PXK: variants seen among roughly 807,000 people sequenced by gnomAD.
PXK encodes PX domain containing serine/threonine kinase like, also known as PX domain-containing protein kinase-like protein.
A neutral mutation model predicts 84.7 loss-of-function variants in PXK; 35 were observed. The observed-to-expected ratio is 0.41, with a 90% CI of 0.32 to 0.55. The LOEUF is 0.55. PXK is among the 20% of genes least tolerant of loss of function. The pLI, the probability that PXK is intolerant of heterozygous loss-of-function variation, is 0.21. For missense variants in PXK, 634 were observed against 699.7 expected (o/e 0.91, Z 1.06); for synonymous variants, 253 against 260.8 (o/e 0.97, Z 0.29).
intron 1 of PXK, among the ~76,000 whole-genome samples, chr3:58,335,018 GGTGTGTGT>G (rs375780661): frequency 4.4e-4 from 47 of 106,552 alleles, no homozygotes; most frequent in African/African-American, 8.0e-4. Context: ...TGTCCAGGCT[GGTGTGTGT>G]GTGTGTGTGT....
intron 1 of PXK, among the ~76,000 whole-genome samples, chr3:58,337,866 C>G (rs1046031236): frequency 3.9e-5 from 6 of 152,124 alleles, no homozygotes; most frequent in African/African-American, 1.2e-4. Flanking sequence ...TTTTTATAGA[C>G]TTTTAAACTT....
intron 1 of PXK, among the ~76,000 whole-genome samples, chr3:58,352,538 A>G (rs925049636): frequency 6.6e-6 from 1 of 152,158 alleles, no homozygotes; most frequent in Non-Finnish European, 1.5e-5. Flanking sequence ...TTCGTTTTTA[A>G]TTACTATTTA....
intron 6 of PXK, 93 bp downstream of exon 6, chr3:58,391,313 T>C: frequency 4.6e-6 from 5 of 1,089,656 alleles, no homozygotes; most frequent in East Asian, 2.4e-5. Flanking sequence ...TGTACTGTGC[T>C]CTTAAGTGAT....
chr3:58,365,933 C>CTTTTT lies in PXK; in HGVS notation c.153+20_153+24dup. ...TGGAAAACAGCTGGCAGGTAAGCAT[C>CTTTTT]TTTTTTTTTTTTTTTGTCAATTAGA... is the stretch of plus-strand genomic sequence containing the variant. On this transcript the variant is annotated intron_variant, in intron 2 of 17. Transcript: ENST00000356151. The CTTTTT allele has an allele frequency of 5.0e-5, 70 of 1,393,864 alleles. No homozygotes were observed. The highest frequency in any genetic ancestry group is 1.9e-4 in the South Asian group (13 of 69,824). The allele number at this position is 1,393,864 out of a possible 1,614,324, so 86.3% of individuals were successfully genotyped here.
intron 3 of PXK, among the ~76,000 whole-genome samples, chr3:58,378,508 TTTTTTGTGTGTGTGTGTGTGTGTG>T (rs1258728305): frequency 1.6e-3 from 46 of 28,536 alleles, no homozygotes; most frequent in South Asian, 4.2e-3. Context: ...TTTTTTTTTT[TTTTTTGTGTGTGTGTGTGTGTGTG>T]TGTGTGTGTG....
chr3:58,425,119 A>C lies in PXK; in HGVS notation c.*159A>C. 8.9e-7 allele frequency: 1 copy of C among 1,129,206 alleles called. No homozygotes were observed. The highest frequency in any genetic ancestry group is 1.2e-6 in the Non-Finnish European group (1 of 808,614). The allele number at this position is 1,129,206 out of a possible 1,614,324, so 69.9% of individuals were successfully genotyped here. On this transcript the variant is annotated 3_prime_UTR_variant, in exon 18 of 18. Coordinates refer to ENST00000356151, the MANE Select transcript of PXK (RefSeq NM_017771.5). The stretch of plus-strand genomic sequence containing the variant: ...ATGTAAGCAGCTTTTCGAGAGAAAT[A>C]ATTCTTTAAGCAGAATAAAGTTAGG...
chr3:58,360,661 G>A (rs1011206190), intron 1 of PXK, among the ~76,000 whole-genome samples: 4 of 151,958 alleles, frequency 2.6e-5, no homozygotes, highest in Middle Eastern at 3.4e-3. Context: ...GTGAAACACC[G>A]TCTCTACAAA....
Position 58,333,170 on chromosome 3 carries a change from G to A in PXK, c.102+80G>A, listed in dbSNP as rs938046527. On this transcript the variant is annotated intron_variant, in intron 1 of 17. Coordinates refer to ENST00000356151, the MANE Select transcript of PXK (RefSeq NM_017771.5). This position sits in a 1 kb window ranked among gnomAD's most constrained non-coding sequence, Gnocchi z 5.4. ...GGCTGCGGGCTGCCTGGCGCGGGCC[G>A]GGCAGGGTCGTCGGACGGAGACCGG... The A allele has an allele frequency of 5.6e-5, 47 of 843,348 alleles. No individual in the cohort carries two copies. Among genetic ancestry groups the A allele is most frequent in the Non-Finnish European group, 6.5e-5 (45 of 694,182 alleles). The allele number at this position is 843,348 out of a possible 1,614,324, so 52.2% of individuals were successfully genotyped here.
chr3:58,425,176 T>TA lies in PXK; in HGVS notation c.*217dup, dbSNP rs2062662724. 1 of 661,444 alleles carries TA rather than the reference T, an allele frequency of 1.5e-6. No homozygotes were observed. The highest frequency in any genetic ancestry group is 2.5e-6 in the Non-Finnish European group (1 of 407,426). The allele number at this position is 661,444 out of a possible 1,614,324, so 41.0% of individuals were successfully genotyped here. On this transcript the variant is annotated 3_prime_UTR_variant, in exon 18 of 18. Transcript: ENST00000356151. ...TTGCTCCCTTAAGATCTTGCTCCTTTATTAACCCTGTAAAGGAGTCTTGTT... is the reference window on the plus strand; with the variant it reads ...TTGCTCCCTTAAGATCTTGCTCCTTTAATTAACCCTGTAAAGGAGTCTTGTT...
intron 17 of PXK, among the ~76,000 whole-genome samples, chr3:58,424,475 G>A (rs1378306712): frequency 6.6e-6 from 1 of 152,226 alleles, no homozygotes; most frequent in Non-Finnish European, 1.5e-5. Context: ...CATCTATGCA[G>A]AGAATGTCAC....
At chr3:58,334,959 C>CTGTG (rs1160895291) in intron 1 of PXK, among the ~76,000 whole-genome samples, 2,154 of 125,526 alleles carry the variant, frequency 0.017, 28 homozygotes, top group East Asian at 0.06. Context: ...GTGTGTGTGT[C>CTGTG]TGTGTGTGTG....
rs532121931 is a variant in PXK, at chr3:58,379,722, A to G, written c.202-2792A>G. ...AAAAGAATAGAAAAGAGTACTTACAAATAAAAAGTAACAGTAGACAACTAT... is the reference window on the plus strand; with the variant it reads ...AAAAGAATAGAAAAGAGTACTTACAGATAAAAAGTAACAGTAGACAACTAT... On this transcript the variant is annotated intron_variant, in intron 3 of 17. Coordinates refer to ENST00000356151, the MANE Select transcript of PXK (RefSeq NM_017771.5). This position sits in a 1 kb window ranked among gnomAD's most constrained non-coding sequence, Gnocchi z 5.1. Among the ~76,000 whole-genome samples the G allele has an allele frequency of 2.0e-5, 3 of 152,330 alleles. No homozygotes were observed. The highest frequency in any genetic ancestry group is 2.0e-4 in the Admixed American group (3 of 15,302).
rs1207707903 is a variant in PXK, at chr3:58,399,939, G to T, written c.1181+562G>T. 6.6e-6 allele frequency among the ~76,000 whole-genome samples: 1 copy of T among 152,042 alleles called. No homozygotes were observed. Among genetic ancestry groups the T allele is most frequent in the Non-Finnish European group, 1.5e-5 (1 of 68,006 alleles). On this transcript the variant is annotated intron_variant, in intron 12 of 17. Transcript: ENST00000356151. The surrounding 1 kb of genome is among the most constrained non-coding windows in gnomAD (Gnocchi z 4.3). Reference sequence around the variant, plus strand: ...TCAGAAGACATTTTCTCTGAAACTGGATTATGAGTAGATAACCAGGGCAGC... The same window carrying T: ...TCAGAAGACATTTTCTCTGAAACTGTATTATGAGTAGATAACCAGGGCAGC...
intron 6 of PXK, 79 bp from the exon 7 acceptor site, chr3:58,391,694 A>G: frequency 7.6e-7 from 1 of 1,307,208 alleles, no homozygotes; most frequent in Non-Finnish European, 1.1e-6. Flanking sequence ...ATTTTGGATA[A>G]TAAAATTAAA....
chr3:58,360,888 T>C (rs1183452838), intron 1 of PXK, among the ~76,000 whole-genome samples: 3 of 152,062 alleles, frequency 2.0e-5, no homozygotes, highest in African/African-American at 7.3e-5. Flanking sequence ...ACAATAACAT[T>C]CTTTATGATT....
At chr3:58,408,669 C>G (rs935307428) in intron 13 of PXK, among the ~76,000 whole-genome samples, 3 of 151,986 alleles carry the variant, frequency 2.0e-5, no homozygotes, top group African/African-American at 7.3e-5. Flanking sequence ...ACTACAGGCG[C>G]CCACCACCAC....
chr3:58,369,345 T>C lies in PXK; in HGVS notation c.154-86T>C. ...AAGTGCCTGAGCTCTAGAGTGCCAA[T>C]ATTACTAATTCTAATACATATTAAA... On this transcript the variant is annotated intron_variant, in intron 2 of 17. Transcript: ENST00000356151. 4.7e-6 allele frequency: 5 copies of C among 1,058,674 alleles called. No homozygotes were observed. The East Asian group carries it at 1.0e-4, about 22-fold the overall frequency. The allele number at this position is 1,058,674 out of a possible 1,614,324, so 65.6% of individuals were successfully genotyped here. A position where few individuals can be genotyped will look rare whatever the true frequency, so the allele number is the denominator to read the frequency against.
chr3:58,349,530 AT>A (rs1249520385), intron 1 of PXK, among the ~76,000 whole-genome samples: 2 of 151,530 alleles, frequency 1.3e-5, no homozygotes, highest in African/African-American at 4.8e-5. Context: ...TAATTTTTGT[AT>A]TTTTAGTAGA....
Position 58,397,676 on chromosome 3 carries a change from C to T in PXK, c.1056C>T (p.Asp352=). Residue 352 remains aspartate, a synonymous_variant, in exon 11 of 18, where the codon GAC becomes GAT. Transcript: ENST00000356151. The surrounding 1 kb of genome is among the most constrained non-coding windows in gnomAD (Gnocchi z 4.7). The part of the protein sequence containing the change: ...LYEMTYGRPP[D]SVPVDSFPPA... ...AAATGACTTATGGACGACCGCCAGA[C>T]TCGGTGCCTGTGGACTCCTTCCCTC... 1 of 1,614,118 alleles carries T rather than the reference C, an allele frequency of 6.2e-7. No homozygotes were observed. The highest frequency in any genetic ancestry group is 8.5e-7 in the Non-Finnish European group (1 of 1,179,988).
Sources: allele counts gnomAD v4.1 joint callset (sites outside exome capture counted in the v4.1 genomes callset), GRCh38; gene constraint gnomAD v4.1.1; non-coding constraint Gnocchi (gnomAD v3.1); transcripts MANE v1.5; gene names NCBI Gene and HGNC (gene_info 2026-07-23, HGNC 2026-07-21).